Variants in PPP2R2B observed in about 807,000 individuals in gnomAD.
The protein encoded by PPP2R2B is serine/threonine-protein phosphatase 2A 55 kDa regulatory subunit B beta isoform.
A neutral mutation model predicts 46.0 loss-of-function variants in PPP2R2B; 5 were observed. The ratio of observed to expected loss-of-function variants is 0.11; its 90% CI spans 0.06 to 0.23. The LOEUF is 0.23. Ranked by LOEUF, PPP2R2B falls within the 10% of genes least tolerant of loss-of-function variation. PPP2R2B has a pLI of 1.00. For missense variants in PPP2R2B, 367 were observed against 575.0 expected (o/e 0.64, Z 3.70); for synonymous variants, 215 against 206.7 (o/e 1.04, Z -0.34).
rs73307078 is a variant in PPP2R2B, at chr5:146,923,636, T to G, written c.79+132029A>C. 2.4e-3 allele frequency among the ~76,000 whole-genome samples: 364 copies of G among 152,278 alleles called. 2 individuals are homozygous for G. Among genetic ancestry groups the G allele is most frequent in the African/African-American group, 8.4e-3 (349 of 41,544 alleles). On this transcript the variant is annotated intron_variant, in intron 1 of 8. Coordinates refer to the PPP2R2B transcript ENST00000336640. Reference sequence around the variant, plus strand: ...GTGAATGGTAGGAGTGCAAATTAATTCAGCCATTATTGAAGACAGTGTGGC... The same window carrying G: ...GTGAATGGTAGGAGTGCAAATTAATGCAGCCATTATTGAAGACAGTGTGGC...
At chr5:146,997,791 A>G (rs966284321) in intron 1 of PPP2R2B, among the ~76,000 whole-genome samples, 1 of 152,202 alleles carries the variant, frequency 6.6e-6, no homozygotes, top group Non-Finnish European at 1.5e-5. Flanking sequence ...ATCTCTATAG[A>G]CAAAGGAGGA....
intron 2 of PPP2R2B, chr5:146,751,512 AT>A (rs1561878786): frequency 2.0e-5 from 3 of 152,160 alleles, no homozygotes; most frequent in African/African-American, 7.2e-5. Context: ...GCAGCATATC[AT>A]GACTCAAGGC....
intron 7 of PPP2R2B, among the ~76,000 whole-genome samples, chr5:146,605,838 C>T (rs561835150): frequency 5.8e-4 from 88 of 152,330 alleles, no homozygotes; most frequent in African/African-American, 2.1e-3. Context: ...GGTTATATTG[C>T]TATAGTCAAA....
At chr5:147,037,623 G>T (rs1756105002) in intron 1 of PPP2R2B, among the ~76,000 whole-genome samples, 1 of 152,008 alleles carries the variant, frequency 6.6e-6, no homozygotes, top group South Asian at 2.1e-4. Flanking sequence ...GTGTATCATG[G>T]GATATGTATC....
intron 1 of PPP2R2B, among the ~76,000 whole-genome samples, chr5:147,015,168 G>T (rs559925845): frequency 6.7e-6 from 1 of 148,996 alleles, no homozygotes; most frequent in African/African-American, 2.4e-5. Flanking sequence ...ACACAGAGAA[G>T]GTGCTTAATA....
At chr5:146,893,633 G>A (rs1357602434) in intron 1 of PPP2R2B, among the ~76,000 whole-genome samples, 2 of 152,120 alleles carry the variant, frequency 1.3e-5, no homozygotes, top group East Asian at 1.9e-4. Context: ...GGCCAATACG[G>A]TGAAAACCCG....
intron 1 of PPP2R2B, among the ~76,000 whole-genome samples, chr5:147,039,653 A>G (rs1756205207): frequency 6.6e-6 from 1 of 152,170 alleles, no homozygotes; most frequent in African/African-American, 2.4e-5. Context: ...TTTGAAGGCA[A>G]CTTCTGCAGT....
chr5:146,789,637 GGAGA>G (rs1458777063), intron 2 of PPP2R2B, among the ~76,000 whole-genome samples: 1 of 152,000 alleles, frequency 6.6e-6, no homozygotes, highest in Non-Finnish European at 1.5e-5. Context: ...CTGCCCTCAA[GGAGA>G]GAGAGGCAAT....
chr5:147,055,211 C>T (rs1449902442), intron 1 of PPP2R2B, among the ~76,000 whole-genome samples: 7 of 152,188 alleles, frequency 4.6e-5, no homozygotes, highest in Admixed American at 3.9e-4. Context: ...ATCAACACTC[C>T]ACAGTGATGT....
At chr5:146,977,363 T>C (rs1752958435) in intron 1 of PPP2R2B, among the ~76,000 whole-genome samples, 1 of 151,842 alleles carries the variant, frequency 6.6e-6, no homozygotes, top group Non-Finnish European at 1.5e-5. Flanking sequence ...TGTGTAACAG[T>C]CTCTTTTAAT....
Position 146,979,189 on chromosome 5 carries a change from T to C in PPP2R2B, c.79+76476A>G, listed in dbSNP as rs981739815. 2.6e-5 allele frequency among the ~76,000 whole-genome samples: 4 copies of C among 152,192 alleles called. No individual in the cohort carries two copies. In the East Asian group the frequency reaches 7.7e-4, roughly 29 times the overall value. ...TTCCTTGGCCTGAAACACATTTCTC[T>C]CAGTTAACTGCATGGCTTGCTTTTT... On this transcript the variant is annotated intron_variant, in intron 1 of 8. Transcript: ENST00000336640.
At chr5:146,900,861 A>T (rs1762813915) in intron 1 of PPP2R2B, among the ~76,000 whole-genome samples, 1 of 148,664 alleles carries the variant, frequency 6.7e-6, no homozygotes, top group Non-Finnish European at 1.5e-5. Flanking sequence ...CGTTCATTTC[A>T]TTCAGCTCCC....
chr5:146,654,365 C>T (rs1776181851), intron 5 of PPP2R2B, among the ~76,000 whole-genome samples: 1 of 152,158 alleles, frequency 6.6e-6, no homozygotes, highest in Non-Finnish European at 1.5e-5. Flanking sequence ...AATGAGCACA[C>T]CTAGCCACTA....
chr5:147,018,597 T>C (rs1755118543), intron 1 of PPP2R2B, among the ~76,000 whole-genome samples: 1 of 152,176 alleles, frequency 6.6e-6, no homozygotes, highest in South Asian at 2.1e-4. Flanking sequence ...GAAAATATAG[T>C]AAATGTTGAT....
intron 1 of PPP2R2B, among the ~76,000 whole-genome samples, chr5:146,992,668 G>A (rs1407286845): frequency 1.3e-5 from 2 of 152,208 alleles, no homozygotes; most frequent in Non-Finnish European, 2.9e-5. Context: ...ACACTTCAGG[G>A]CAGGGGGCTC....
chr5:146,691,200 C>T lies in PPP2R2B; in HGVS notation c.375G>A (p.Lys125=). The T allele has an allele frequency of 6.2e-7, 1 of 1,614,142 alleles. No individual in the cohort carries two copies. The highest frequency in any genetic ancestry group is 8.5e-7 in the Non-Finnish European group (1 of 1,180,040). The change falls in exon 5 of 10, where the codon AAG becomes AAA. Residue 125 remains lysine, a synonymous_variant. Transcript: ENST00000394411. ...VKLWKVSERD[K]RPEGYNLKDE... is the part of the protein sequence containing the mutation. Reference sequence around the variant, plus strand: ...CTTTCAGATTGTAGCCTTCTGGCCTCTTATCACGCTCGCTGACTTTCCACA... The same window carrying T: ...CTTTCAGATTGTAGCCTTCTGGCCTTTTATCACGCTCGCTGACTTTCCACA...
chr5:146,631,068 G>A (rs1050987273), intron 7 of PPP2R2B, among the ~76,000 whole-genome samples: 5 of 152,154 alleles, frequency 3.3e-5, no homozygotes, highest in African/African-American at 7.2e-5. Context: ...TGACAGAGGG[G>A]AAGAAACAAA....
At chr5:146,839,040 A>C (rs1759467134) in intron 2 of PPP2R2B, among the ~76,000 whole-genome samples, 1 of 152,130 alleles carries the variant, frequency 6.6e-6, no homozygotes, top group South Asian at 2.1e-4. Flanking sequence ...CCACATACTG[A>C]TTTCCAACCT....
chr5:146,742,411 C>G (rs953780335), intron 2 of PPP2R2B, among the ~76,000 whole-genome samples: 1 of 152,074 alleles, frequency 6.6e-6, no homozygotes, highest in Non-Finnish European at 1.5e-5. Flanking sequence ...ATTGGGCTGG[C>G]CAGTTGTTCT....
Sources: gnomAD v4.1 joint callset for allele counts (sites outside exome capture counted in the v4.1 genomes callset) on GRCh38, gnomAD v4.1.1 for gene constraint, MANE v1.5 for transcripts, NCBI Gene and HGNC (gene_info 2026-07-23, HGNC 2026-07-21) for gene names.